Variants in HNF4G observed in about 807,000 individuals in gnomAD.
The protein encoded by HNF4G is hepatocyte nuclear factor 4-gamma.
A neutral mutation model predicts 50.9 loss-of-function variants in HNF4G; 21 were observed. The observed-to-expected ratio is 0.41, with a 90% CI of 0.29 to 0.59. The LOEUF is 0.59. Ranked by LOEUF, HNF4G falls within the 20% of genes least tolerant of loss-of-function variation. The probability of loss-of-function intolerance (pLI) is 0.26; values close to 1 mark genes in which losing one functional copy is unlikely to be tolerated. For synonymous variants in HNF4G, 198 were observed against 185.6 expected (o/e 1.07, Z -0.54); for missense variants, 527 against 559.4 (o/e 0.94, Z 0.58).
rs1472049714 is a variant in HNF4G, at chr8:75,417,731, T to A, written c.-144+9569T>A. ...AGGTGAAAATAATTTAACTGATATT[T>A]CATGTGTAAATAAACAATACGGCAG... On this transcript the variant is annotated intron_variant, in intron 1 of 10. Coordinates refer to the HNF4G transcript ENST00000354370. Among the ~76,000 whole-genome samples, 3 of 152,212 alleles carry A rather than the reference T, an allele frequency of 2.0e-5. No individual in the cohort carries two copies. In the South Asian group the frequency reaches 6.2e-4, roughly 32 times the overall value.
At chr8:75,517,244 A>G (rs1018560933) in intron 2 of HNF4G, among the ~76,000 whole-genome samples, 3 of 152,100 alleles carry the variant, frequency 2.0e-5, no homozygotes, top group Admixed American at 2.0e-4. Context: ...TTTGGTGGAG[A>G]CACAGCCAAA....
chr8:75,414,068 G>A (rs926732899), intron 1 of HNF4G, among the ~76,000 whole-genome samples: 4 of 151,994 alleles, frequency 2.6e-5, no homozygotes, highest in African/African-American at 9.7e-5. Context: ...GTGCTTCAGT[G>A]AGTTTTGACA....
upstream of HNF4G, among the ~76,000 whole-genome samples, chr8:75,535,907 T>C (rs915486252): frequency 6.6e-6 from 1 of 151,974 alleles, no homozygotes; most frequent in Non-Finnish European, 1.5e-5. Flanking sequence ...TTGTCTTCTT[T>C]AAACATCATG....
chr8:75,551,542 T>C (rs1806960492), intron 4 of HNF4G, 48 bp downstream of exon 4: 3 of 1,074,342 alleles, frequency 2.8e-6, no homozygotes, highest in East Asian at 2.4e-5. Flanking sequence ...AAATCAAATG[T>C]CCATGTAGGC....
chr8:75,414,585 A>C (rs372634382), intron 1 of HNF4G, among the ~76,000 whole-genome samples: 1 of 152,082 alleles, frequency 6.6e-6, no homozygotes, highest in African/African-American at 2.4e-5. Flanking sequence ...CCATTGATCT[A>C]CTTTCTGGAC....
intron 2 of HNF4G, among the ~76,000 whole-genome samples, chr8:75,530,980 G>T (rs1459183344): frequency 6.6e-6 from 1 of 151,978 alleles, no homozygotes; most frequent in Non-Finnish European, 1.5e-5. Context: ...TTTTGGTAGA[G>T]ACAGGGTTTC....
chr8:75,449,503 T>A lies in HNF4G; in HGVS notation c.-143-40586T>A, dbSNP rs997964750. On this transcript the variant is annotated intron_variant, in intron 1 of 10. Coordinates refer to the HNF4G transcript ENST00000354370. Reference sequence around the variant, plus strand: ...CATTATCTCAGTAATATATATATATTTTTTTCTTTTTTTTTTTTTTTGAGA... The same window carrying A: ...CATTATCTCAGTAATATATATATATATTTTTCTTTTTTTTTTTTTTTGAGA... Among the ~76,000 whole-genome samples the A allele has an allele frequency of 1.5e-4, 11 of 75,410 alleles. 1 individual carries two copies. The highest frequency in any genetic ancestry group is 4.4e-4 in the African/African-American group (5 of 11,326). 49.5% of individuals were successfully genotyped at this position (75,410 alleles called of 152,430 possible).
intron 1 of HNF4G, among the ~76,000 whole-genome samples, chr8:75,476,571 T>C (rs1158637352): frequency 7.2e-5 from 11 of 152,264 alleles, no homozygotes; most frequent in Admixed American, 7.2e-4. Flanking sequence ...TCATTTAGCA[T>C]TTGTGAGAAG....
At chr8:75,465,117 G>T (rs1811939044) in intron 1 of HNF4G, among the ~76,000 whole-genome samples, 1 of 152,086 alleles carries the variant, frequency 6.6e-6, no homozygotes, top group Non-Finnish European at 1.5e-5. Context: ...TGTCAGTAAG[G>T]GATGATATGG....
At chr8:75,492,086 A>G (rs1812645900) in intron 2 of HNF4G, among the ~76,000 whole-genome samples, 1 of 152,152 alleles carries the variant, frequency 6.6e-6, no homozygotes, top group South Asian at 2.1e-4. Flanking sequence ...TTTTTTCCTT[A>G]CATACTGAAG....
chr8:75,412,649 T>C (rs1810527365), intron 1 of HNF4G, among the ~76,000 whole-genome samples: 1 of 152,200 alleles, frequency 6.6e-6, no homozygotes, highest in Admixed American at 6.5e-5. Context: ...TTTGTTCCCG[T>C]GGGCTTATGC....
intron 2 of HNF4G, among the ~76,000 whole-genome samples, chr8:75,525,230 T>C (rs777969812): frequency 6.6e-6 from 1 of 152,106 alleles, no homozygotes; most frequent in Non-Finnish European, 1.5e-5. Context: ...AGTGCAGTGG[T>C]GTGATCTTGG....
chr8:75,547,199 A>G (rs113891813), intron 2 of HNF4G, among the ~76,000 whole-genome samples: 29 of 152,334 alleles, frequency 1.9e-4, no homozygotes, highest in African/African-American at 6.7e-4. Context: ...TTGAAAAGAG[A>G]AAAGCATGAA....
intron 1 of HNF4G, among the ~76,000 whole-genome samples, chr8:75,489,600 A>G (rs183013700): frequency 6.0e-4 from 91 of 152,344 alleles, no homozygotes; most frequent in African/African-American, 2.1e-3. Context: ...ATAAGGATTT[A>G]AACTACCTAA....
chr8:75,553,336 T>C, intron 5 of HNF4G, 139 bp downstream of exon 5: 1 of 682,666 alleles, frequency 1.5e-6, no homozygotes, highest in Non-Finnish European at 2.4e-6. Flanking sequence ...AGGATTGGGT[T>C]TCCTTACCCA....
At chr8:75,427,216 T>C (rs946151608) in intron 1 of HNF4G, among the ~76,000 whole-genome samples, 5 of 152,172 alleles carry the variant, frequency 3.3e-5, no homozygotes, top group African/African-American at 1.2e-4. Flanking sequence ...TATCAGTGAG[T>C]AGGCTGTGAT....
intron 2 of HNF4G, among the ~76,000 whole-genome samples, chr8:75,517,022 A>C (rs1285070292): frequency 2.0e-5 from 3 of 152,180 alleles, no homozygotes; most frequent in Non-Finnish European, 2.9e-5. Flanking sequence ...GAGAGAAGGC[A>C]AAGGAGAAGC....
rs116010352 is a variant in HNF4G, at chr8:75,517,898, C to T, written c.-23-25913C>T. ...TAGCAGAAGTTCTCCATGAGGGTTC[C>T]TCCCAGGCACCATACCTCTGCCTGG... On this transcript the variant is annotated intron_variant, in intron 2 of 10. Coordinates refer to the HNF4G transcript ENST00000354370. 7.9e-3 allele frequency among the ~76,000 whole-genome samples: 1,195 copies of T among 152,200 alleles called. 13 individuals carry two copies. The highest frequency in any genetic ancestry group is 0.027 in the African/African-American group (1,134 of 41,506).
chr8:75,524,748 G>T (rs952403770), intron 2 of HNF4G, among the ~76,000 whole-genome samples: 12 of 152,120 alleles, frequency 7.9e-5, no homozygotes, highest in African/African-American at 2.9e-4. Flanking sequence ...TAAGAAAAGT[G>T]TTATTTAGGA....
Sources: gnomAD v4.1 joint callset for allele counts (sites outside exome capture counted in the v4.1 genomes callset) on GRCh38, gnomAD v4.1.1 for gene constraint, MANE v1.5 for transcripts, NCBI Gene and HGNC (gene_info 2026-07-23, HGNC 2026-07-21) for gene names.